The following POLR1A variants were observed in gnomAD, a reference collection of about 807,000 sequenced individuals.
POLR1A encodes DNA-directed RNA polymerase I subunit RPA1.
POLR1A carries 84 observed loss-of-function variants against 205.3 expected under a neutral mutation model. The ratio of observed to expected loss-of-function variants is 0.41; its 90% CI spans 0.34 to 0.49. POLR1A has a LOEUF of 0.49. Among genes scored for constraint, POLR1A ranks in the 20% least tolerant of loss-of-function variants. The probability of loss-of-function intolerance (pLI) is 0.22; values close to 1 mark genes in which losing one functional copy is unlikely to be tolerated. For synonymous variants in POLR1A, 799 were observed against 863.7 expected, an observed-to-expected ratio of 0.93 and a Z score of 1.31; for missense variants, 1,645 against 2,204.5, an observed-to-expected ratio of 0.75 and a Z score of 5.08.
intron 3 of POLR1A, among the ~76,000 whole-genome samples, chr2:86,095,593 C>T (rs903680091): frequency 1.3e-5 from 2 of 152,130 alleles, no homozygotes; most frequent in South Asian, 4.1e-4. Context: ...AAAAGTATCT[C>T]TTTACAATAG....
At position 86,032,307 on chromosome 2, in the gene POLR1A, A is replaced by C. The variant is rs1325942734; in HGVS notation, c.4237T>G (p.Ser1413Ala). The C allele has an allele frequency of 6.2e-7, 1 of 1,613,434 alleles. No individual in the cohort carries two copies. Among genetic ancestry groups the C allele is most frequent in the South Asian group, 1.1e-5 (1 of 91,058 alleles). Residue 1413 changes from serine (S) to alanine (A), a missense_variant, in exon 29 of 34, where the codon TCT (serine) becomes GCT (alanine). Ser to Ala is a moderately conservative substitution (Grantham distance 99). This residue lies in a region of POLR1A where 394 missense variants were observed against 468.5 expected (regional missense o/e 0.84). Transcript: ENST00000263857. ...AEAEEGDADA[S>A]DAKRKEKQEE... is the part of the protein sequence containing the mutation. ...TGCTTCTCCTTGCGTTTGGCATCAG[A>C]GGCATCGGCGTCCCCCTCCTCAGCT...
chr2:86,077,412 A>G (rs1673307233), intron 11 of POLR1A, among the ~76,000 whole-genome samples: 1 of 152,092 alleles, frequency 6.6e-6, no homozygotes, highest in African/African-American at 2.4e-5. Context: ...CTTCCCAGTA[A>G]CCTGGGGTAC....
chr2:86,086,355 G>A (rs535186728), intron 6 of POLR1A, among the ~76,000 whole-genome samples: 91 of 152,300 alleles, frequency 6.0e-4, no homozygotes, highest in Non-Finnish European at 2.2e-4. Flanking sequence ...CGAAGTGCTC[G>A]GATTACAGGC....
intron 1 of POLR1A, among the ~76,000 whole-genome samples, chr2:86,102,807 T>A (rs543022639): frequency 1.4e-4 from 21 of 152,330 alleles, no homozygotes; most frequent in Admixed American, 1.2e-3. Context: ...TTGAGATCAA[T>A]AGACTTAGGT....
chr2:86,098,862 C>G, intron 2 of POLR1A, 102 bp from the exon 3 acceptor site: 1 of 1,046,250 alleles, frequency 9.6e-7, no homozygotes, highest in Non-Finnish European at 1.4e-6. Context: ...TCAGTCTATT[C>G]CTTTAAAAAC....
Position 86,080,811 on chromosome 2 carries a change from C to T in POLR1A, c.1086+5G>A. On this transcript the variant is annotated splice_donor_5th_base_variant and intron_variant, in intron 9 of 33. Coordinates refer to ENST00000263857, the MANE Select transcript of POLR1A (RefSeq NM_015425.6). ...TCATCACATCAGCAACAGAGCAGCC[C>T]TGACCTCATCTGTAGTGGGTGTGGC... 7 of 1,607,548 alleles carry T rather than the reference C, an allele frequency of 4.4e-6. No individual in the cohort carries two copies. The highest frequency in any genetic ancestry group is 5.9e-6 in the Non-Finnish European group (7 of 1,176,500).
intron 31 of POLR1A, among the ~76,000 whole-genome samples, chr2:86,029,761 T>A (rs1234688881): frequency 6.7e-6 from 1 of 148,822 alleles, no homozygotes; most frequent in African/African-American, 2.5e-5. Context: ...CATGCCCGGC[T>A]ATTTTTTTTT....
intron 26 of POLR1A, 97 bp from the exon 27 acceptor site, chr2:86,038,954 C>A: frequency 9.0e-7 from 1 of 1,113,014 alleles, no homozygotes; most frequent in South Asian, 1.4e-5. Context: ...ACAGAGATAG[C>A]AGCTGAGACC....
At chr2:86,039,246 G>T in intron 26 of POLR1A, 81 bp downstream of exon 26, 1 of 1,479,586 alleles carries the variant, frequency 6.8e-7, no homozygotes, top group Non-Finnish European at 9.3e-7. Context: ...AGAGCAGTAA[G>T]CAAAGCCTGT....
chr2:86,057,220 G>A (rs1211457796), intron 14 of POLR1A, among the ~76,000 whole-genome samples: 1 of 152,136 alleles, frequency 6.6e-6, no homozygotes, highest in Non-Finnish European at 1.5e-5. Flanking sequence ...CTTTCAGAGG[G>A]TCAAGACTTC....
In POLR1A at chr2:86,027,961, G is replaced by T. The variant is rs1220002831; in HGVS notation, c.4986C>A (p.Ile1662=). The T allele has an allele frequency of 6.2e-7, 1 of 1,614,088 alleles. No individual in the cohort carries two copies. Among genetic ancestry groups the T allele is most frequent in the Non-Finnish European group, 8.5e-7 (1 of 1,180,020 alleles). The change falls in exon 33 of 34, where the codon ATC becomes ATA. Residue 1662 remains isoleucine, a synonymous_variant. Transcript: ENST00000263857. ...GVYKPLNRFG[I]RSNSSPLQQM... is the part of the protein sequence containing the mutation. Reference sequence around the variant, plus strand: ...GCTGTAGCGGGGAAGAGTTTGACCGGATCCCAAAGCGATTCAGTGGCTTGT... The same window carrying T: ...GCTGTAGCGGGGAAGAGTTTGACCGTATCCCAAAGCGATTCAGTGGCTTGT...
At position 86,070,315 on chromosome 2, in the gene POLR1A, G is replaced by T; in HGVS notation, c.1612-43C>A. ...AGGTGGGTGATCAGTGCAAACGTCAGTATCACCACGGCTCTTTCCAAGTGC... is the reference window on the plus strand; with the variant it reads ...AGGTGGGTGATCAGTGCAAACGTCATTATCACCACGGCTCTTTCCAAGTGC... On this transcript the variant is annotated intron_variant, in intron 12 of 33. Coordinates refer to ENST00000263857, the MANE Select transcript of POLR1A (RefSeq NM_015425.6). This position sits in a 1 kb window ranked among gnomAD's most constrained non-coding sequence, Gnocchi z 4.4. 1.9e-6 allele frequency: 3 copies of T among 1,553,672 alleles called. No individual in the cohort carries two copies. The highest frequency in any genetic ancestry group is 2.6e-6 in the Non-Finnish European group (3 of 1,144,476).
chr2:86,028,898 G>T lies in POLR1A; in HGVS notation c.4780-187C>A, dbSNP rs1672324670. The T allele has an allele frequency of 5.2e-6, 3 of 577,400 alleles. No homozygotes were observed. The highest frequency in any genetic ancestry group is 5.8e-5 in the Admixed American group (2 of 34,576). 35.8% of individuals were successfully genotyped at this position (577,400 alleles called of 1,614,324 possible). A position where few individuals can be genotyped will look rare whatever the true frequency, so the allele number is the denominator to read the frequency against. Reference sequence around the variant, plus strand: ...GGCTAGGCAGAGCTGCTGACGGCTCGCTGGCCGGGGCCCAAGGTCTGTATC... The same window carrying T: ...GGCTAGGCAGAGCTGCTGACGGCTCTCTGGCCGGGGCCCAAGGTCTGTATC... On this transcript the variant is annotated intron_variant, in intron 31 of 33. Transcript: ENST00000263857. The surrounding 1 kb of genome is among the most constrained non-coding windows in gnomAD (Gnocchi z 4.5).
chr2:86,086,796 T>C (rs1673511540), intron 6 of POLR1A, among the ~76,000 whole-genome samples: 1 of 152,240 alleles, frequency 6.6e-6, no homozygotes, highest in Admixed American at 6.5e-5. Context: ...AAAACTATCT[T>C]CTAGAAAGAA....
intron 14 of POLR1A, among the ~76,000 whole-genome samples, chr2:86,060,699 T>C (rs1054082300): frequency 2.0e-5 from 3 of 152,112 alleles, no homozygotes; most frequent in South Asian, 4.1e-4. Flanking sequence ...CCTAGGCAGA[T>C]AGCAGACCCA....
Position 86,052,870 on chromosome 2 carries a change from C to A in POLR1A, c.2339G>T (p.Cys780Phe). ...GTAGGCGGTGAAGAGGCGGGCCAGG[C>A]AGGTTAGAACCTTGCCGCTGGTCTC... ...GGETSGKVLT[C>F]LARLFTAYLQ... The change falls in exon 16 of 34, where the codon TGC (cysteine) becomes TTC (phenylalanine). Residue 780 changes from cysteine to phenylalanine, a missense_variant. Physicochemically the swap from Cys to Phe is radical, Grantham distance 205. Transcript: ENST00000263857. 6.3e-7 allele frequency: 1 copy of A among 1,599,516 alleles called. No individual in the cohort carries two copies. Among genetic ancestry groups the A allele is most frequent in the Non-Finnish European group, 8.5e-7 (1 of 1,172,742 alleles).
chr2:86,099,996 A>G lies in POLR1A; in HGVS notation c.254T>C (p.Leu85Pro). The change falls in exon 2 of 34, where the codon CTC (leucine) becomes CCC (proline). Residue 85 changes from leucine to proline, a missense_variant. Coordinates refer to ENST00000263857, the MANE Select transcript of POLR1A (RefSeq NM_015425.6). ...SGHLGHIELP[L>P]TVYNPLLFDK... Reference sequence around the variant, plus strand: ...GAAGAGGAGAGGGTTATACACTGTGAGTGGGAGCTCAATGTGGCCCAGGTG... The same window carrying G: ...GAAGAGGAGAGGGTTATACACTGTGGGTGGGAGCTCAATGTGGCCCAGGTG... The G allele has an allele frequency of 6.2e-7, 1 of 1,614,046 alleles. No individual in the cohort carries two copies. The highest frequency in any genetic ancestry group is 8.5e-7 in the Non-Finnish European group (1 of 1,179,968).
intron 6 of POLR1A, among the ~76,000 whole-genome samples, chr2:86,084,665 CTTTTTT>C (rs546893329): frequency 1.6e-5 from 2 of 127,622 alleles, no homozygotes; most frequent in African/African-American, 2.8e-5. Flanking sequence ...TTGCCTTTTC[CTTTTTT>C]TTTTTTTTTT....
chr2:86,100,078 C>A lies in POLR1A; in HGVS notation c.172G>T (p.Ala58Ser), dbSNP rs770495119. ...GTGGAGCACACCTCTTTGGAATCTG[C>A]AGGGCCCAAAGCTAAATCGTACAGG... is the stretch of plus-strand genomic sequence containing the variant. ...NGLYDLALGP[A>S]DSKEVCSTCV... is the part of the protein sequence containing the mutation. Residue 58 changes from alanine to serine, a missense_variant, in exon 2 of 34, where the codon GCA becomes TCA. Physicochemically the swap from Ala to Ser is moderately conservative, Grantham distance 99. Coordinates refer to ENST00000263857, the MANE Select transcript of POLR1A (RefSeq NM_015425.6). The A allele has an allele frequency of 1.2e-6, 2 of 1,614,048 alleles. No homozygotes were observed. The highest frequency in any genetic ancestry group is 2.7e-5 in the African/African-American group (2 of 74,922).
Sources: gnomAD v4.1 joint callset for allele counts (sites outside exome capture counted in the v4.1 genomes callset) on GRCh38, gnomAD v4.1.1 for gene constraint, gnomAD v4.1.1 regional missense constraint, Gnocchi (gnomAD v3.1) non-coding constraint, MANE v1.5 for transcripts, NCBI Gene and HGNC (gene_info 2026-07-23, HGNC 2026-07-21) for gene names.